Variants in DLC1 observed in about 807,000 individuals in gnomAD.
DLC1 encodes the protein rho GTPase-activating protein 7.
A neutral mutation model predicts 140.3 loss-of-function variants in DLC1; 54 were observed. That is an observed-to-expected ratio of 0.38 (90% confidence interval 0.31 to 0.48). The LOEUF is 0.48. Among genes scored for constraint, DLC1 ranks in the 20% least tolerant of loss-of-function variants. The pLI, the probability that DLC1 is intolerant of heterozygous loss-of-function variation, is 0.96. For synonymous variants in DLC1, 986 were observed against 728.1 expected, an observed-to-expected ratio of 1.35 and a Z score of -5.70; for missense variants, 2,536 against 1,907.0, an observed-to-expected ratio of 1.33 and a Z score of -6.14.
chr8:13,127,362 C>A (rs73663606), intron 5 of DLC1, among the ~76,000 whole-genome samples: 3 of 152,294 alleles, frequency 2.0e-5, no homozygotes, highest in South Asian at 2.1e-4. Flanking sequence ...GCATCTCAGC[C>A]GCCCCTCAGT....
intron 4 of DLC1, among the ~76,000 whole-genome samples, chr8:13,351,716 C>G (rs898791451): frequency 1.2e-4 from 18 of 152,266 alleles, no homozygotes; most frequent in African/African-American, 4.1e-4. Context: ...AAAATATTCA[C>G]TATCTGATCC....
intron 4 of DLC1, among the ~76,000 whole-genome samples, chr8:13,361,879 G>C (rs1169532238): frequency 2.6e-5 from 4 of 152,180 alleles, no homozygotes; most frequent in Non-Finnish European, 5.9e-5. Context: ...CATGACATTA[G>C]GTGCTGGGCA....
At chr8:13,158,742 C>CCT (rs1824448363) in intron 5 of DLC1, among the ~76,000 whole-genome samples, 1 of 90,172 alleles carries the variant, frequency 1.1e-5, no homozygotes, top group African/African-American at 5.9e-5. Flanking sequence ...CTCCCCCCCC[C>CCT]CCCCCGCCCG....
At chr8:13,188,236 C>T (rs2117010171) in intron 5 of DLC1, among the ~76,000 whole-genome samples, 1 of 151,574 alleles carries the variant, frequency 6.6e-6, no homozygotes. Context: ...TGCCGGCCAC[C>T]ATGCCCAGCT....
At chr8:13,497,236 G>A (rs1200858562) in intron 2 of DLC1, among the ~76,000 whole-genome samples, 1 of 152,078 alleles carries the variant, frequency 6.6e-6, no homozygotes, top group Non-Finnish European at 1.5e-5. Context: ...TTCTAAAAAT[G>A]GCGAATTGCC....
At position 13,100,118 on chromosome 8, in the gene DLC1, G is replaced by T. The variant is rs568082078; in HGVS notation, c.2219C>A (p.Thr740Asn). ...CTCCGACTGGCTGCTGCTGCTGCTG[G>T]TCTGCGTGGAGTTGGAAACGCTCCT... ...RKRSVSNSTQ[T>N]SSSSSQSETS... The change falls in exon 9 of 18, where the codon ACC becomes AAC. Residue 740 changes from threonine (T) to asparagine (N), a missense_variant. Thr to Asn is a moderately conservative substitution (Grantham distance 65). Transcript: ENST00000276297. 1.9e-6 allele frequency: 3 copies of T among 1,613,996 alleles called. No homozygotes were observed. In the South Asian group the frequency reaches 3.3e-5, roughly 18 times the overall value.
rs569161086 is a variant in DLC1, at chr8:13,467,922, A to C, written c.1023+31127T>G. On this transcript the variant is annotated intron_variant, in intron 2 of 17. Transcript: ENST00000276297. ...TCCTGGGATAAACCCAATTTGGTTA[A>C]GGTGTTTAAGTGGTTTTATGCAGCT... Among the ~76,000 whole-genome samples, 6 of 152,316 alleles carry C rather than the reference A, an allele frequency of 3.9e-5. No homozygotes were observed. In the East Asian group the frequency reaches 5.8e-4, roughly 15 times the overall value.
intron 4 of DLC1, among the ~76,000 whole-genome samples, chr8:13,351,424 A>G (rs1834657656): frequency 6.6e-6 from 1 of 152,254 alleles, no homozygotes; most frequent in Non-Finnish European, 1.5e-5. Flanking sequence ...ATAATTACTT[A>G]GAAAAGGATT....
At chr8:13,288,854 C>A (rs535932050) in intron 5 of DLC1, among the ~76,000 whole-genome samples, 25 of 152,278 alleles carry the variant, frequency 1.6e-4, no homozygotes, top group African/African-American at 6.0e-4. Context: ...ATCAACCCAG[C>A]TTAGGGATCA....
chr8:13,529,552 T>C (rs951411005), intron 1 of DLC1, among the ~76,000 whole-genome samples: 1 of 152,178 alleles, frequency 6.6e-6, no homozygotes, highest in African/African-American at 2.4e-5. Context: ...ATGACTCATA[T>C]TTAGGAAATA....
intron 2 of DLC1, among the ~76,000 whole-genome samples, chr8:13,486,482 A>G (rs968707551): frequency 1.3e-5 from 2 of 152,126 alleles, no homozygotes; most frequent in African/African-American, 4.8e-5. Context: ...CTTTTAAATT[A>G]TAGAGTTTCC....
At chr8:13,401,186 A>C (rs1303762085) in intron 3 of DLC1, among the ~76,000 whole-genome samples, 4 of 152,210 alleles carry the variant, frequency 2.6e-5, no homozygotes, top group African/African-American at 9.6e-5. Flanking sequence ...CAATTAAGGA[A>C]GGTTTGATCA....
chr8:13,397,355 A>G (rs924825083), intron 3 of DLC1, among the ~76,000 whole-genome samples: 1 of 152,150 alleles, frequency 6.6e-6, no homozygotes. Context: ...CTGGAAAGCA[A>G]CTGTTGAAGA....
At chr8:13,202,233 T>C (rs367622207) in intron 5 of DLC1, among the ~76,000 whole-genome samples, 20 of 152,162 alleles carry the variant, frequency 1.3e-4, no homozygotes, top group East Asian at 1.2e-3. Context: ...TGTGAGCCGC[T>C]GTGCCAGGCC....
At chr8:13,536,819 C>T (rs537406006) in intron 1 of DLC1, among the ~76,000 whole-genome samples, 2 of 152,140 alleles carry the variant, frequency 1.3e-5, no homozygotes, top group East Asian at 1.9e-4. Context: ...CTTCAATCTC[C>T]TTCCTTTTAA....
intron 2 of DLC1, among the ~76,000 whole-genome samples, chr8:13,483,654 A>G (rs1261572194): frequency 6.6e-6 from 1 of 152,120 alleles, no homozygotes. Context: ...GCTGTAAAGT[A>G]TGGGATGAGG....
intron 1 of DLC1, chr8:13,566,838 T>C (rs1022468635): frequency 1.5e-5 from 15 of 1,024,254 alleles, no homozygotes; most frequent in Middle Eastern, 3.2e-4. Flanking sequence ...GCGGCCCGCG[T>C]TGCCAAGACA....
In DLC1 at chr8:13,090,842, G is replaced by C. The variant is rs1229299422; in HGVS notation, c.3856-372C>G. On this transcript the variant is annotated intron_variant, in intron 14 of 17. Transcript: ENST00000276297. ...TTTTTTTGAGAGAGAGTTTCATTCT[G>C]TTACCTAGTGGAGTGCAGTGGCAAA... is the stretch of plus-strand genomic sequence containing the variant. Among the ~76,000 whole-genome samples the C allele has an allele frequency of 3.7e-5, 5 of 134,882 alleles. No homozygotes were observed. In the East Asian group the frequency reaches 8.4e-4, roughly 23 times the overall value. 88.5% of individuals were successfully genotyped at this position (134,882 alleles called of 152,430 possible). A position where few individuals can be genotyped will look rare whatever the true frequency, so the allele number is the denominator to read the frequency against.
At chr8:13,118,002 T>G (rs1299906380) in intron 5 of DLC1, among the ~76,000 whole-genome samples, 1 of 109,918 alleles carries the variant, frequency 9.1e-6, no homozygotes, top group Non-Finnish European at 1.8e-5. Context: ...CTTGTTCTCT[T>G]TCTTTTTTTT....
Sources: allele counts gnomAD v4.1 joint callset (sites outside exome capture counted in the v4.1 genomes callset), GRCh38; gene constraint gnomAD v4.1.1; transcripts MANE v1.5; gene names NCBI Gene and HGNC (gene_info 2026-07-23, HGNC 2026-07-21).